LRRTM4: variants seen among roughly 807,000 people sequenced by gnomAD.
LRRTM4 encodes the protein leucine-rich repeat transmembrane neuronal protein 4.
In LRRTM4, 25 loss-of-function variants were observed where a neutral mutation model predicts 47.6. The observed-to-expected ratio is 0.53, with a 90% CI of 0.38 to 0.73. The LOEUF (loss-of-function observed/expected upper bound fraction) is 0.73. Among genes scored for constraint, LRRTM4 ranks in the 30% least tolerant of loss-of-function variants. The pLI is 0.00. For synonymous variants in LRRTM4, 311 were observed against 269.5 expected (o/e 1.15, Z -1.51); for missense variants, 638 against 713.4 (o/e 0.89, Z 1.20).
intron 3 of LRRTM4, among the ~76,000 whole-genome samples, chr2:77,261,896 T>C (rs888506410): frequency 5.9e-5 from 9 of 152,104 alleles, no homozygotes; most frequent in African/African-American, 1.9e-4. Context: ...GTACATGGCC[T>C]GTAAGAAACC....
At chr2:77,135,138 A>C (rs1464633748) in intron 3 of LRRTM4, among the ~76,000 whole-genome samples, 1 of 152,220 alleles carries the variant, frequency 6.6e-6, no homozygotes, top group African/African-American at 2.4e-5. Flanking sequence ...ACCTGGGATC[A>C]GATCAGCATC....
At chr2:77,500,573 G>A (rs1181627443) in intron 3 of LRRTM4, among the ~76,000 whole-genome samples, 2 of 151,442 alleles carry the variant, frequency 1.3e-5, no homozygotes, top group Non-Finnish European at 3.0e-5. Context: ...ATTTTCTCCT[G>A]TTTGCATAAC....
At chr2:77,000,337 T>G (rs1677372224) in intron 3 of LRRTM4, among the ~76,000 whole-genome samples, 1 of 151,562 alleles carries the variant, frequency 6.6e-6, no homozygotes. Flanking sequence ...AGTAATTGTG[T>G]GGTCTTCTCC....
intron 3 of LRRTM4, among the ~76,000 whole-genome samples, chr2:76,905,930 T>C (rs938727456): frequency 1.1e-4 from 16 of 152,216 alleles, no homozygotes; most frequent in Non-Finnish European, 1.9e-4. Flanking sequence ...CTGCAGGATA[T>C]TATCCAAGAG....
intron 3 of LRRTM4, among the ~76,000 whole-genome samples, chr2:77,347,184 T>C (rs1671595325): frequency 6.6e-6 from 1 of 152,164 alleles, no homozygotes; most frequent in African/African-American, 2.4e-5. Context: ...AAAGCGATAG[T>C]TTTGACAGAC....
intron 3 of LRRTM4, among the ~76,000 whole-genome samples, chr2:77,248,089 A>G (rs1451786367): frequency 3.3e-5 from 5 of 150,878 alleles, no homozygotes; most frequent in African/African-American, 7.3e-5. Context: ...TTCATGTATT[A>G]TGTTACATAA....
intron 3 of LRRTM4, among the ~76,000 whole-genome samples, chr2:76,827,610 A>G (rs535047272): frequency 6.6e-6 from 1 of 151,988 alleles, no homozygotes; most frequent in African/African-American, 2.4e-5. Context: ...GTGCAATTCA[A>G]ATTGACCAAA....
At chr2:77,093,140 G>A (rs28895969) in intron 3 of LRRTM4, among the ~76,000 whole-genome samples, 6,039 of 147,032 alleles carry the variant, frequency 0.041, 152 homozygotes, top group South Asian at 0.074. Flanking sequence ...CCTATTCACC[G>A]TTCTCAACTA....
chr2:77,011,237 C>T (rs1281064103), intron 3 of LRRTM4, among the ~76,000 whole-genome samples: 1 of 152,076 alleles, frequency 6.6e-6, no homozygotes, highest in African/African-American at 2.4e-5. Context: ...ACATATAATA[C>T]TATCAATGAG....
chr2:77,377,260 T>TCTGGGCA (rs1672873774), intron 3 of LRRTM4, among the ~76,000 whole-genome samples: 1 of 151,930 alleles, frequency 6.6e-6, no homozygotes, highest in Non-Finnish European at 1.5e-5. Flanking sequence ...GAAATCAAGA[T>TCTGGGCA]CTGGGCACTG....
At chr2:77,064,872 C>T (rs966260086) in intron 3 of LRRTM4, among the ~76,000 whole-genome samples, 8 of 152,062 alleles carry the variant, frequency 5.3e-5, no homozygotes, top group Admixed American at 4.6e-4. Context: ...ACTTAACCTA[C>T]CCTTGACTTA....
intron 3 of LRRTM4, among the ~76,000 whole-genome samples, chr2:76,805,083 G>C (rs1333373601): frequency 6.6e-6 from 1 of 151,962 alleles, no homozygotes; most frequent in Non-Finnish European, 1.5e-5. Flanking sequence ...CTCTTGAAAA[G>C]CTACTTAAAC....
intron 3 of LRRTM4, among the ~76,000 whole-genome samples, chr2:76,982,076 A>C (rs1676628538): frequency 6.6e-6 from 1 of 152,040 alleles, no homozygotes; most frequent in Non-Finnish European, 1.5e-5. Context: ...TCTCATATTA[A>C]GTTCTTAACC....
At chr2:76,855,151 C>T (rs1268192472) in intron 3 of LRRTM4, among the ~76,000 whole-genome samples, 1 of 152,142 alleles carries the variant, frequency 6.6e-6, no homozygotes, top group East Asian at 1.9e-4. Context: ...CAGGAGCCTG[C>T]TTGCGGAGAC....
At chr2:76,867,058 G>A (rs1198111928) in intron 3 of LRRTM4, among the ~76,000 whole-genome samples, 14 of 151,878 alleles carry the variant, frequency 9.2e-5, no homozygotes, top group African/African-American at 2.9e-4. Context: ...ATCACACAAC[G>A]TCTGTTAGGG....
intron 3 of LRRTM4, among the ~76,000 whole-genome samples, chr2:77,222,899 A>T (rs1674681926): frequency 6.6e-6 from 1 of 152,176 alleles, no homozygotes; most frequent in Non-Finnish European, 1.5e-5. Context: ...GCAGAGACAC[A>T]ATAAAAAACG....
At chr2:77,027,363 C>A (rs1245541784) in intron 3 of LRRTM4, among the ~76,000 whole-genome samples, 1 of 151,996 alleles carries the variant, frequency 6.6e-6, no homozygotes, top group East Asian at 1.9e-4. Flanking sequence ...TTTAAAATAG[C>A]CTATGTAGTA....
At chr2:76,825,671 G>T (rs1406829605) in intron 3 of LRRTM4, among the ~76,000 whole-genome samples, 1 of 151,596 alleles carries the variant, frequency 6.6e-6, no homozygotes, top group Non-Finnish European at 1.5e-5. Context: ...CTAAGAAAAA[G>T]GCAGAGCTAA....
intron 3 of LRRTM4, among the ~76,000 whole-genome samples, chr2:76,793,962 A>T (rs1021060829): frequency 1.3e-5 from 2 of 152,210 alleles, no homozygotes; most frequent in Non-Finnish European, 2.9e-5. Context: ...ATACTGGTGC[A>T]ACAATGTCCC....
Sources: gnomAD v4.1 joint callset for allele counts (sites outside exome capture counted in the v4.1 genomes callset) on GRCh38, gnomAD v4.1.1 for gene constraint, MANE v1.5 for transcripts, NCBI Gene and HGNC (gene_info 2026-07-23, HGNC 2026-07-21) for gene names.